SLIT2: variants seen among roughly 807,000 people sequenced by gnomAD.
SLIT2 encodes slit homolog 2 protein.
Under a neutral mutation model 185.7 loss-of-function variants are expected in SLIT2, and 41 were observed. The observed-to-expected ratio is 0.22, with a 90% CI of 0.17 to 0.29. The LOEUF is 0.29. Ranked by LOEUF, SLIT2 falls within the 10% of genes least tolerant of loss-of-function variation. The probability of loss-of-function intolerance (pLI) is 1.00; values close to 1 mark genes in which losing one functional copy is unlikely to be tolerated. For missense variants in SLIT2, 1,571 were observed against 1,909.0 expected (o/e 0.82, Z 3.30); for synonymous variants, 693 against 680.2 (o/e 1.02, Z -0.29).
chr4:20,468,460 C>T (rs1471783792), intron 5 of SLIT2, among the ~76,000 whole-genome samples: 1 of 151,960 alleles, frequency 6.6e-6, no homozygotes, highest in Non-Finnish European at 1.5e-5. Flanking sequence ...GTATTTATAG[C>T]ATCCTTTAAA....
intron 4 of SLIT2, among the ~76,000 whole-genome samples, chr4:20,269,332 A>C (rs1393416878): frequency 6.6e-6 from 1 of 151,894 alleles, no homozygotes; most frequent in Non-Finnish European, 1.5e-5. Flanking sequence ...TAAGGTATTT[A>C]AAGAGGGCTG....
At chr4:20,306,976 A>G (rs1208373140) in intron 4 of SLIT2, among the ~76,000 whole-genome samples, 1 of 152,160 alleles carries the variant, frequency 6.6e-6, no homozygotes, top group Admixed American at 6.5e-5. Context: ...TTGAGTGCAG[A>G]AATTCATTTC....
intron 33 of SLIT2, among the ~76,000 whole-genome samples, chr4:20,602,928 T>C (rs1348100223): frequency 6.6e-6 from 1 of 151,958 alleles, no homozygotes; most frequent in African/African-American, 2.4e-5. Context: ...ACCAGCAACA[T>C]AGATGAAATG....
At chr4:20,599,689 T>A (rs1578001652) in intron 33 of SLIT2, among the ~76,000 whole-genome samples, 1 of 151,966 alleles carries the variant, frequency 6.6e-6, no homozygotes, top group Admixed American at 6.6e-5. Context: ...AATCTGGGGT[T>A]TTTTTAATAT....
intron 4 of SLIT2, among the ~76,000 whole-genome samples, chr4:20,340,025 A>C (rs553347567): frequency 2.6e-5 from 4 of 152,114 alleles, no homozygotes; most frequent in Non-Finnish European, 1.5e-5. Flanking sequence ...TTTCCCATCA[A>C]TCTTGCCTTC....
intron 4 of SLIT2, among the ~76,000 whole-genome samples, chr4:20,465,478 T>C (rs1714230560): frequency 6.6e-6 from 1 of 152,172 alleles, no homozygotes; most frequent in Non-Finnish European, 1.5e-5. Context: ...GAGTCTGGGA[T>C]CCACAATTAA....
At chr4:20,548,867 C>T (rs1723487428) in intron 23 of SLIT2, among the ~76,000 whole-genome samples, 190 bp from the exon 24 acceptor site, 1 of 152,048 alleles carries the variant, frequency 6.6e-6, no homozygotes. Context: ...CAGCGGGAAG[C>T]ATTCTAGGTT....
chr4:20,263,064 A>G (rs79606631), intron 3 of SLIT2, among the ~76,000 whole-genome samples: 371 of 151,854 alleles, frequency 2.4e-3, no homozygotes, highest in Middle Eastern at 0.014. Context: ...CACTGTTACA[A>G]TGTATTTGTG....
chr4:20,349,951 T>G (rs774724845), intron 4 of SLIT2, among the ~76,000 whole-genome samples: 2 of 152,220 alleles, frequency 1.3e-5, no homozygotes, highest in Non-Finnish European at 2.9e-5. Context: ...TTTTTTGATC[T>G]GAATCTGTAT....
chr4:20,318,687 AC>A (rs1351890998), intron 4 of SLIT2, among the ~76,000 whole-genome samples: 2 of 152,122 alleles, frequency 1.3e-5, no homozygotes, highest in Admixed American at 1.3e-4. Context: ...CTCACTTTGA[AC>A]ACAAGCATGG....
At chr4:20,362,637 T>C (rs1378765683) in intron 4 of SLIT2, among the ~76,000 whole-genome samples, 1 of 151,856 alleles carries the variant, frequency 6.6e-6, no homozygotes, top group Non-Finnish European at 1.5e-5. Context: ...TTTTTTAAAA[T>C]AACGTGTATC....
At chr4:20,612,052 G>A (rs982557107) in intron 34 of SLIT2, among the ~76,000 whole-genome samples, 5 of 151,980 alleles carry the variant, frequency 3.3e-5, no homozygotes, top group South Asian at 2.1e-4. Flanking sequence ...ATCTTTCGAA[G>A]CCCCTTTAGA....
At chr4:20,298,476 GC>G (rs1274736298) in intron 4 of SLIT2, among the ~76,000 whole-genome samples, 2 of 152,064 alleles carry the variant, frequency 1.3e-5, no homozygotes, top group Admixed American at 1.3e-4. Context: ...TTTCTTTTGT[GC>G]CTCTTATTCA....
At chr4:20,603,969 C>A (rs546376305) in intron 33 of SLIT2, among the ~76,000 whole-genome samples, 1 of 152,334 alleles carries the variant, frequency 6.6e-6, no homozygotes, top group African/African-American at 2.4e-5. Context: ...TAACCTTGGG[C>A]AGATTGCTTC....
Position 20,482,043 on chromosome 4 carries a change from A to C in SLIT2, c.539+1256A>C, listed in dbSNP as rs546828038. 2.0e-5 allele frequency among the ~76,000 whole-genome samples: 3 copies of C among 152,150 alleles called. No homozygotes were observed. In the South Asian group the frequency reaches 6.2e-4, roughly 32 times the overall value. Reference sequence around the variant, plus strand: ...AAGACCACTATTTAAATTGTATACCAGAACCATTTTTAATATACGAAACTC... The same window carrying C: ...AAGACCACTATTTAAATTGTATACCCGAACCATTTTTAATATACGAAACTC... On this transcript the variant is annotated intron_variant, in intron 6 of 36. Transcript: ENST00000504154.
At chr4:20,554,178 G>A (rs1191932031) in intron 26 of SLIT2, 3 of 606,962 alleles carry the variant, frequency 4.9e-6, no homozygotes, top group Non-Finnish European at 8.9e-6. Context: ...TAGTCCATTG[G>A]TAATGACCAA....
At chr4:20,483,986 C>T (rs74961598) in intron 6 of SLIT2, among the ~76,000 whole-genome samples, 5,415 of 151,932 alleles carry the variant, frequency 0.036, 129 homozygotes, top group Non-Finnish European at 0.054. Flanking sequence ...TACTTCTTTC[C>T]AGCATCAGTA....
At chr4:20,281,295 TA>T (rs1465896353) in intron 4 of SLIT2, among the ~76,000 whole-genome samples, 2 of 152,356 alleles carry the variant, frequency 1.3e-5, no homozygotes, top group East Asian at 1.9e-4. Flanking sequence ...AGAAATAAGT[TA>T]AAAATTAAAC....
chr4:20,480,869 T>G (rs976330881), intron 6 of SLIT2, 82 bp downstream of exon 6: 9 of 976,744 alleles, frequency 9.2e-6, no homozygotes, highest in Non-Finnish European at 1.6e-6. Context: ...TCTGCTAGCT[T>G]AAAACCTTGT....
Sources: gnomAD v4.1 joint callset for allele counts (sites outside exome capture counted in the v4.1 genomes callset) on GRCh38, gnomAD v4.1.1 for gene constraint, MANE v1.5 for transcripts, NCBI Gene and HGNC (gene_info 2026-07-23, HGNC 2026-07-21) for gene names.